Variants in NCK2 observed in about 807,000 individuals in gnomAD.
NCK2 encodes the protein cytoplasmic protein NCK2.
In NCK2, 16 loss-of-function variants were observed where a neutral mutation model predicts 33.9. The observed-to-expected ratio is 0.47, with a 90% CI of 0.32 to 0.72. The LOEUF (loss-of-function observed/expected upper bound fraction) is 0.72. NCK2 is among the 30% of genes least tolerant of loss of function. The pLI is 0.03. For missense variants in NCK2, 418 were observed against 537.3 expected, an observed-to-expected ratio of 0.78 and a Z score of 2.19; for synonymous variants, 273 against 239.9, an observed-to-expected ratio of 1.14 and a Z score of -1.27.
At chr2:105,776,342 G>T (rs10198057) in intron 1 of NCK2, among the ~76,000 whole-genome samples, 71,968 of 152,106 alleles carry the variant, frequency 0.47, 18,096 homozygotes, top group African/African-American at 0.64. Flanking sequence ...AACATCTTCT[G>T]GAAGCAGCCA....
rs1679059367 is a variant in NCK2, at chr2:105,893,098, G to A, written c.1065G>A (p.Leu355=). 1 of 1,613,980 alleles carries A rather than the reference G, an allele frequency of 6.2e-7. No individual in the cohort carries two copies. Among genetic ancestry groups the A allele is most frequent in the East Asian group, 2.2e-5 (1 of 44,864 alleles). ...GGCGCTTCCACACCATGGACGAGCT[G>A]GTGGAACACTACAAAAAGGCGCCCA... The part of the protein sequence containing the change: ...GQRRFHTMDE[L]VEHYKKAPIF... Residue 355 remains leucine, a synonymous_variant, in exon 5 of 5, where the codon CTG becomes CTA. Transcript: ENST00000233154.
chr2:105,814,438 CT>C (rs1675408243), intron 1 of NCK2, among the ~76,000 whole-genome samples: 1 of 152,208 alleles, frequency 6.6e-6, no homozygotes, highest in African/African-American at 2.4e-5. Context: ...TTCTGTCTGG[CT>C]TTTCCTTTAC....
intron 3 of NCK2, among the ~76,000 whole-genome samples, chr2:105,865,531 T>C (rs974710053): frequency 7.2e-5 from 11 of 152,168 alleles, no homozygotes; most frequent in African/African-American, 2.2e-4. Flanking sequence ...TTGAGGTTAT[T>C]TGCTGCCCTT....
At chr2:105,853,003 T>C (rs1347601309) in intron 2 of NCK2, among the ~76,000 whole-genome samples, 2 of 152,190 alleles carry the variant, frequency 1.3e-5, no homozygotes, top group African/African-American at 4.8e-5. Flanking sequence ...ATAAAAAAAT[T>C]TTTTTAGCAT....
chr2:105,744,821 G>A (rs1209091390), upstream of NCK2: 1 of 155,872 alleles, frequency 6.4e-6, no homozygotes, highest in African/African-American at 2.4e-5. Flanking sequence ...GCGGGAGGAG[G>A]AGGAAGAGCG....
At chr2:105,779,871 G>A (rs1479477913) in intron 1 of NCK2, among the ~76,000 whole-genome samples, 1 of 152,030 alleles carries the variant, frequency 6.6e-6, no homozygotes, top group Non-Finnish European at 1.5e-5. Flanking sequence ...AACTGATATG[G>A]GGAAAACAGC....
chr2:105,867,824 T>C (rs1677822747), intron 3 of NCK2, among the ~76,000 whole-genome samples: 1 of 152,178 alleles, frequency 6.6e-6, no homozygotes, highest in African/African-American at 2.4e-5. Context: ...CCTTCCTAAC[T>C]AATTACTTGA....
intron 1 of NCK2, among the ~76,000 whole-genome samples, chr2:105,749,177 AACGCTGGGCAG>A (rs1211417913): frequency 6.6e-6 from 1 of 152,150 alleles, no homozygotes; most frequent in African/African-American, 2.4e-5. Flanking sequence ...CTGAATTCAA[AACGCTGGGCAG>A]ACCGTTTGTG....
At chr2:105,814,883 ACT>A (rs1176323530) in intron 1 of NCK2, among the ~76,000 whole-genome samples, 2 of 152,178 alleles carry the variant, frequency 1.3e-5, no homozygotes, top group African/African-American at 4.8e-5. Flanking sequence ...TGGAAGGCAG[ACT>A]CTGGGCAAAT....
chr2:105,837,142 C>G (rs1345033585), intron 2 of NCK2, among the ~76,000 whole-genome samples: 2 of 152,188 alleles, frequency 1.3e-5, no homozygotes, highest in African/African-American at 2.4e-5. Flanking sequence ...TGCTTCTTTG[C>G]TGAATTCCAG....
intron 1 of NCK2, among the ~76,000 whole-genome samples, chr2:105,807,875 C>T (rs1675143022): frequency 1.5e-5 from 2 of 129,454 alleles, no homozygotes; most frequent in African/African-American, 6.8e-5. Flanking sequence ...TCTATCTCTC[C>T]CTCCCTCCCT....
intron 1 of NCK2, among the ~76,000 whole-genome samples, 169 bp from the exon 2 acceptor site, chr2:105,816,261 G>A (rs1460142078): frequency 2.6e-5 from 4 of 152,092 alleles, no homozygotes; most frequent in Admixed American, 6.5e-5. Context: ...AAGTAAGATC[G>A]TACAACCACA....
intron 1 of NCK2, among the ~76,000 whole-genome samples, chr2:105,789,654 A>G (rs1377179671): frequency 1.3e-5 from 2 of 152,230 alleles, no homozygotes; most frequent in Non-Finnish European, 1.5e-5. Flanking sequence ...AACCAGCTGT[A>G]AAGCACTTAT....
chr2:105,873,311 C>G (rs1678091251), intron 3 of NCK2, among the ~76,000 whole-genome samples: 1 of 152,190 alleles, frequency 6.6e-6, no homozygotes, highest in African/African-American at 2.4e-5. Flanking sequence ...TGTGGGCCCA[C>G]CCTAAGTCAA....
At chr2:105,782,684 T>TA (rs34712037) in intron 1 of NCK2, among the ~76,000 whole-genome samples, 73,238 of 151,916 alleles carry the variant, frequency 0.48, 18,569 homozygotes, top group African/African-American at 0.64. Context: ...TTTCTGAGAG[T>TA]GGGGGATCCG....
rs1558871069 is a variant in NCK2, at chr2:105,855,035, G to GT, written c.-16-9dup. 1 of 1,599,082 alleles carries GT rather than the reference G, an allele frequency of 6.3e-7. No homozygotes were observed. Among genetic ancestry groups the GT allele is most frequent in the Admixed American group, 1.7e-5 (1 of 59,974 alleles). ...AGTTCTCTAATGAGCATCTCCAAAT[G>GT]TTTTGCTGGCAGAAGGACTCCATGA... is the stretch of plus-strand genomic sequence containing the variant. On this transcript the variant is annotated splice_polypyrimidine_tract_variant and intron_variant, in intron 2 of 4. Coordinates refer to ENST00000233154, the MANE Select transcript of NCK2 (RefSeq NM_003581.5).
At chr2:105,824,606 A>G (rs545348190) in intron 2 of NCK2, among the ~76,000 whole-genome samples, 1 of 152,026 alleles carries the variant, frequency 6.6e-6, no homozygotes, top group Admixed American at 6.5e-5. Context: ...TCATTTTCCC[A>G]GTCGTTAAGT....
intron 1 of NCK2, among the ~76,000 whole-genome samples, chr2:105,787,631 T>C (rs953983067): frequency 7.9e-5 from 12 of 152,110 alleles, no homozygotes; most frequent in African/African-American, 2.9e-4. Context: ...CTGAGCTGAC[T>C]CAGGCAGTGA....
rs566443344 is a variant in NCK2 at position 105,893,369 on chromosome 2, C to A, written c.*193C>A. On this transcript the variant is annotated 3_prime_UTR_variant, in exon 5 of 5. Transcript: ENST00000233154. ...ACACCCACACTCGAGCCCACCCGGC[C>A]GGCCAGCTTTAGAGGAGGGGAGGAG... 22 of 563,734 alleles carry A rather than the reference C, an allele frequency of 3.9e-5. No individual in the cohort carries two copies. The South Asian group carries it at 5.4e-4, about 14-fold the overall frequency. The allele number at this position is 563,734 out of a possible 1,614,324, so 34.9% of individuals were successfully genotyped here. A position where few individuals can be genotyped will look rare whatever the true frequency, so the allele number is the denominator to read the frequency against.
Sources: gnomAD v4.1 joint callset for allele counts (sites outside exome capture counted in the v4.1 genomes callset) on GRCh38, gnomAD v4.1.1 for gene constraint, MANE v1.5 for transcripts, NCBI Gene and HGNC (gene_info 2026-07-23, HGNC 2026-07-21) for gene names.